RELL1: variants seen among roughly 807,000 people sequenced by gnomAD.
The protein encoded by RELL1 is RELT-like protein 1.
In RELL1, 10 loss-of-function variants were observed where a neutral mutation model predicts 23.0. The observed-to-expected ratio is 0.43, with a 90% CI of 0.27 to 0.74. The LOEUF is 0.74. Among genes scored for constraint, RELL1 ranks in the 30% least tolerant of loss-of-function variants. The pLI is 0.19. For synonymous variants in RELL1, 146 were observed against 146.8 expected (o/e 0.99, Z 0.04); for missense variants, 315 against 364.4 (o/e 0.86, Z 1.10).
chr4:37,641,188 G>A (rs979833506), intron 3 of RELL1, among the ~76,000 whole-genome samples: 1 of 151,868 alleles, frequency 6.6e-6, no homozygotes, highest in African/African-American at 2.4e-5. Context: ...CATCCCCTTG[G>A]TTTGCTGAGT....
At chr4:37,625,736 A>G (rs1719915052) in intron 6 of RELL1, among the ~76,000 whole-genome samples, 1 of 152,238 alleles carries the variant, frequency 6.6e-6, no homozygotes, top group African/African-American at 2.4e-5. Flanking sequence ...TATTCTTGAA[A>G]AATGCTAAGA....
At chr4:37,648,261 A>G (rs1322932553) in intron 2 of RELL1, among the ~76,000 whole-genome samples, 1 of 152,226 alleles carries the variant, frequency 6.6e-6, no homozygotes, top group Non-Finnish European at 1.5e-5. Context: ...GGGAGGCTCC[A>G]CTTTCTGTTG....
chr4:37,609,552 T>A (rs565962833), downstream of RELL1, among the ~76,000 whole-genome samples: 1 of 152,348 alleles, frequency 6.6e-6, no homozygotes, highest in Non-Finnish European at 1.5e-5. Flanking sequence ...CAGTGATTCC[T>A]CTAGTGGACC....
downstream of RELL1, among the ~76,000 whole-genome samples, chr4:37,609,951 C>CTT (rs1719324489): frequency 6.6e-6 from 1 of 152,172 alleles, no homozygotes; most frequent in Admixed American, 6.5e-5. Context: ...AATACATAAA[C>CTT]TTAGTTGATA....
At chr4:37,636,269 G>C (rs1368340124) in intron 4 of RELL1, among the ~76,000 whole-genome samples, 1 of 152,076 alleles carries the variant, frequency 6.6e-6, no homozygotes, top group Non-Finnish European at 1.5e-5. Context: ...TGATAATCTG[G>C]AATATATTTG....
chr4:37,651,119 G>A (rs763521034), intron 1 of RELL1, among the ~76,000 whole-genome samples: 5 of 151,790 alleles, frequency 3.3e-5, no homozygotes, highest in Admixed American at 1.3e-4. Context: ...CCTTATATAT[G>A]TTCCTGTCAC....
At chr4:37,609,459 C>T (rs78741800), downstream of RELL1, among the ~76,000 whole-genome samples, 2,796 of 152,276 alleles carry the variant, frequency 0.018, 101 homozygotes, top group African/African-American at 0.064. Context: ...ACACAACATC[C>T]ATTCTGCAGC....
chr4:37,601,692 T>A (rs955924427), intron 6 of RELL1, among the ~76,000 whole-genome samples: 1 of 152,230 alleles, frequency 6.6e-6, no homozygotes, highest in Non-Finnish European at 1.5e-5. Context: ...CTCTAGGAAG[T>A]CTCAGCTGCA....
At chr4:37,675,516 A>G (rs1721998390) in intron 1 of RELL1, among the ~76,000 whole-genome samples, 1 of 152,242 alleles carries the variant, frequency 6.6e-6, no homozygotes, top group Admixed American at 6.5e-5. Context: ...TATTTTGTAC[A>G]CATTTCATAT....
chr4:37,604,140 T>G (rs143759747), intron 6 of RELL1, among the ~76,000 whole-genome samples: 1 of 152,124 alleles, frequency 6.6e-6, no homozygotes, highest in East Asian at 1.9e-4. Context: ...GGGCCAGCGT[T>G]GTGAGGCTAG....
chr4:37,636,464 G>A (rs1347409988), intron 4 of RELL1, among the ~76,000 whole-genome samples: 2 of 151,816 alleles, frequency 1.3e-5, no homozygotes, highest in Admixed American at 6.6e-5. Context: ...GGGTGGTGGC[G>A]GGCGCCTGTA....
chr4:37,623,381 A>G (rs1719835359), intron 6 of RELL1: 1 of 154,638 alleles, frequency 6.5e-6, no homozygotes, highest in African/African-American at 2.4e-5. Context: ...CTTGCCAAGA[A>G]AAGCAAAGCT....
downstream of RELL1, chr4:37,590,329 G>C: frequency 1.2e-6 from 2 of 1,613,758 alleles, no homozygotes; most frequent in African/African-American, 1.3e-5. Context: ...CGCTGGAGGG[G>C]AACACCATGC....
At chr4:37,621,394 T>C (rs1719760812) in intron 6 of RELL1, among the ~76,000 whole-genome samples, 1 of 151,896 alleles carries the variant, frequency 6.6e-6, no homozygotes, top group Non-Finnish European at 1.5e-5. Flanking sequence ...AGGCAGAGCT[T>C]GCAGTGAGCC....
At chr4:37,633,408 CAAAAAAAAAAAAAAAAAAAAAAAA>C (rs57256942) in intron 5 of RELL1, among the ~76,000 whole-genome samples, 23,250 of 63,364 alleles carry the variant, frequency 0.37, 3,277 homozygotes, top group East Asian at 0.54. Context: ...GACTCCACCT[CAAAAAAAAAAAAAAAAAAAAAAAA>C]AAAAAAAAAA....
At chr4:37,633,106 G>T (rs1341418043) in intron 5 of RELL1, among the ~76,000 whole-genome samples, 2 of 152,088 alleles carry the variant, frequency 1.3e-5, no homozygotes, top group Non-Finnish European at 2.9e-5. Flanking sequence ...TGGATTTGGG[G>T]CATTTTAAAA....
At chr4:37,595,301 C>T (rs1412279794) in intron 6 of RELL1, among the ~76,000 whole-genome samples, 2 of 152,214 alleles carry the variant, frequency 1.3e-5, no homozygotes, top group Non-Finnish European at 2.9e-5. Context: ...CTTTAAGAAA[C>T]ATTTTATGCA....
chr4:37,635,955 T>C (rs916964176), intron 4 of RELL1, among the ~76,000 whole-genome samples: 4 of 152,246 alleles, frequency 2.6e-5, no homozygotes, highest in Admixed American at 6.5e-5. Flanking sequence ...AAAAGTGATG[T>C]TCAAAACAGA....
At chr4:37,605,864 AAGAG>A (rs1348821371), downstream of RELL1, among the ~76,000 whole-genome samples, 1 of 149,328 alleles carries the variant, frequency 6.7e-6, no homozygotes, top group South Asian at 2.1e-4. Context: ...AAAGAAAAGA[AAGAG>A]AAAGGAAAGA....
Sources: allele counts gnomAD v4.1 joint callset (sites outside exome capture counted in the v4.1 genomes callset), GRCh38; gene constraint gnomAD v4.1.1; transcripts MANE v1.5; gene names NCBI Gene and HGNC (gene_info 2026-07-23, HGNC 2026-07-21).